The following PTPRT variants were observed in gnomAD, a reference collection of about 807,000 sequenced individuals.
PTPRT encodes protein tyrosine phosphatase receptor type T, also known as receptor-type tyrosine-protein phosphatase T.
In PTPRT, 56 loss-of-function variants were observed where a neutral mutation model predicts 176.8. The ratio of observed to expected loss-of-function variants is 0.32; its 90% confidence interval spans 0.26 to 0.40. The LOEUF (loss-of-function observed/expected upper bound fraction) is 0.40. Among genes scored for constraint, PTPRT ranks in the 10% least tolerant of loss-of-function variants. The pLI is 1.00. For synonymous variants in PTPRT, 783 were observed against 739.0 expected, an observed-to-expected ratio of 1.06 and a Z score of -0.96; for missense variants, 1,540 against 1,908.2, an observed-to-expected ratio of 0.81 and a Z score of 3.60.
rs1351674373 is a variant in PTPRT, at chr20:42,104,890, T to C, written c.3391-172A>G. 2.0e-5 allele frequency among the ~76,000 whole-genome samples: 3 copies of C among 152,202 alleles called. 1 individual carries two copies. The highest frequency in any genetic ancestry group is 2.9e-5 in the Non-Finnish European group (2 of 68,030). On this transcript the variant is annotated intron_variant, in intron 24 of 30. Transcript: ENST00000373187. ...AGGGCCAAATTTCCATGTTTCCTAA[T>C]GATCACCTGAGCTATGGTGGGTCTT...
chr20:42,497,588 C>T (rs1798373721), intron 7 of PTPRT, among the ~76,000 whole-genome samples: 1 of 152,046 alleles, frequency 6.6e-6, no homozygotes, highest in Admixed American at 6.6e-5. Context: ...AGGCTCTTTT[C>T]TTGACATTTT....
chr20:42,074,137 C>T lies in PTPRT; in HGVS notation c.*6742G>A, dbSNP rs956954029. The T allele has an allele frequency of 8.8e-6, 2 of 228,114 alleles. No homozygotes were observed. The highest frequency in any genetic ancestry group is 2.2e-5 in the African/African-American group (1 of 45,040). The allele number at this position is 228,114 out of a possible 1,614,324, so 14.1% of individuals were successfully genotyped here. On this transcript the variant is annotated 3_prime_UTR_variant, in exon 31 of 31. Transcript: ENST00000373187. ...AAGCCTAACTTTACATGGAATGACA[C>T]CACTCTGCCCTCTAAGCCTCCAGAC...
intron 27 of PTPRT, among the ~76,000 whole-genome samples, chr20:42,095,904 A>G (rs73129176): frequency 0.038 from 5,824 of 152,254 alleles, 186 homozygotes; most frequent in Middle Eastern, 0.065. Context: ...CCCAAGGTGC[A>G]CTCAATTTCA....
At chr20:42,705,572 A>C (rs780113434) in intron 6 of PTPRT, among the ~76,000 whole-genome samples, 1 of 152,096 alleles carries the variant, frequency 6.6e-6, no homozygotes, top group Non-Finnish European at 1.5e-5. Context: ...AGCTCAGAGG[A>C]CCTTACAATA....
intron 1 of PTPRT, among the ~76,000 whole-genome samples, chr20:43,017,240 T>C (rs1985414213): frequency 6.6e-6 from 1 of 152,152 alleles, no homozygotes; most frequent in Admixed American, 6.5e-5. Context: ...TTTTTTTAAA[T>C]ATTGCATTAA....
At chr20:42,174,832 G>T (rs547235682) in intron 16 of PTPRT, among the ~76,000 whole-genome samples, 1 of 152,188 alleles carries the variant, frequency 6.6e-6, no homozygotes, top group East Asian at 1.9e-4. Flanking sequence ...CTCTGAACCA[G>T]TTTCTGCAAA....
At chr20:42,809,402 G>A (rs930093242) in intron 2 of PTPRT, among the ~76,000 whole-genome samples, 8 of 152,186 alleles carry the variant, frequency 5.3e-5, no homozygotes, top group African/African-American at 2.4e-5. Context: ...GCATTTGGGT[G>A]AGAAGGGCAC....
chr20:42,510,541 C>A (rs1434673428), intron 7 of PTPRT, among the ~76,000 whole-genome samples: 4 of 151,904 alleles, frequency 2.6e-5, no homozygotes, highest in Non-Finnish European at 4.4e-5. Context: ...GCTATGGTGT[C>A]CAGATAAGAG....
At chr20:42,925,975 C>T (rs1979456106) in intron 1 of PTPRT, among the ~76,000 whole-genome samples, 1 of 152,182 alleles carries the variant, frequency 6.6e-6, no homozygotes, top group African/African-American at 2.4e-5. Flanking sequence ...CACTTCACTC[C>T]AGGACTCTTC....
rs1982715490 is a variant in PTPRT at position 42,075,827 on chromosome 20, G to C, written c.*5052C>G. 2 of 204,716 alleles carry C rather than the reference G, an allele frequency of 9.8e-6. No homozygotes were observed. The highest frequency in any genetic ancestry group is 4.6e-5 in the African/African-American group (2 of 43,698). The allele number at this position is 204,716 out of a possible 1,614,324, so 12.7% of individuals were successfully genotyped here. A position where few individuals can be genotyped will look rare whatever the true frequency, so the allele number is the denominator to read the frequency against. On this transcript the variant is annotated 3_prime_UTR_variant, in exon 31 of 31. Coordinates refer to ENST00000373187, the MANE Select transcript of PTPRT (RefSeq NM_007050.6). ...AGTGGAGGATGAATAAACATGATGG[G>C]TCAGAGGGAAATGCATCATCTTTTG...
chr20:42,046,056 G>A, the PTPRT span, among the ~76,000 whole-genome samples: 1 of 152,186 alleles, frequency 6.6e-6, no homozygotes, highest in Non-Finnish European at 1.5e-5. Context: ...ATGGAGGTGA[G>A]GAAGTGGGCA....
Position 42,102,111 on chromosome 20 carries a change from G to C in PTPRT, c.3714+13C>G. The C allele has an allele frequency of 1.9e-6, 3 of 1,602,546 alleles. No individual in the cohort carries two copies. The highest frequency in any genetic ancestry group is 2.2e-5 in the South Asian group (2 of 90,532). On this transcript the variant is annotated intron_variant, in intron 26 of 30. Transcript: ENST00000373187. ...AATGCCAGCTAGGAGCTTTCTGCCC[G>C]GGCTCGGCTTACATCCATCAGTGCT...
intron 1 of PTPRT, among the ~76,000 whole-genome samples, chr20:43,072,720 T>C (rs941890760): frequency 6.6e-6 from 1 of 152,208 alleles, no homozygotes; most frequent in Non-Finnish European, 1.5e-5. Context: ...CTTTAGAAAA[T>C]ATGGAGCCCA....
intron 1 of PTPRT, among the ~76,000 whole-genome samples, chr20:43,091,596 T>G (rs1174768676): frequency 6.6e-6 from 1 of 151,934 alleles, no homozygotes. Context: ...AAAAGAGATT[T>G]TTTCAGCCTT....
At chr20:42,764,329 A>G (rs564200913) in intron 5 of PTPRT, among the ~76,000 whole-genome samples, 119 of 152,284 alleles carry the variant, frequency 7.8e-4, no homozygotes, top group African/African-American at 2.8e-3. Flanking sequence ...GGGATAAGAG[A>G]ATTAAGAAGG....
At chr20:42,048,439 G>T in the PTPRT span, among the ~76,000 whole-genome samples, 1 of 152,160 alleles carries the variant, frequency 6.6e-6, no homozygotes, top group African/African-American at 2.4e-5. Flanking sequence ...CCAAAGCTTG[G>T]TCATAAGAGG....
intron 1 of PTPRT, among the ~76,000 whole-genome samples, chr20:43,160,990 G>C (rs2146440693): frequency 6.6e-6 from 1 of 151,832 alleles, no homozygotes; most frequent in South Asian, 2.1e-4. Context: ...CTGGCCTCAA[G>C]TGATCCTTCC....
intron 15 of PTPRT, among the ~76,000 whole-genome samples, chr20:42,217,388 C>T (rs1363292581): frequency 8.1e-6 from 1 of 122,806 alleles, no homozygotes; most frequent in African/African-American, 3.9e-5. Context: ...CACACACACA[C>T]ACACACACAC....
At chr20:43,169,966 G>A (rs2014955096) in intron 1 of PTPRT, among the ~76,000 whole-genome samples, 1 of 151,982 alleles carries the variant, frequency 6.6e-6, no homozygotes, top group African/African-American at 2.4e-5. Flanking sequence ...TTCTTTCTAG[G>A]TTCCACGCAG....
Sources: allele counts gnomAD v4.1 joint callset (sites outside exome capture counted in the v4.1 genomes callset), GRCh38; gene constraint gnomAD v4.1.1; transcripts MANE v1.5; gene names NCBI Gene and HGNC (gene_info 2026-07-23, HGNC 2026-07-21).